Variants in FREM3 observed in about 807,000 individuals in gnomAD.
The protein encoded by FREM3 is FRAS1-related extracellular matrix protein 3.
A neutral mutation model predicts 129.1 loss-of-function variants in FREM3; 105 were observed. The ratio of observed to expected loss-of-function variants is 0.81; its 90% CI spans 0.69 to 0.96. The LOEUF (loss-of-function observed/expected upper bound fraction) is 0.96. FREM3 is among the 40% of genes least tolerant of loss of function. The pLI is 0.00. For missense variants in FREM3, 2,593 were observed against 2,666.3 expected (o/e 0.97, Z 0.61); for synonymous variants, 1,014 against 1,044.9 (o/e 0.97, Z 0.57).
chr4:143,637,567 C>T (rs1739254395), intron 2 of FREM3, among the ~76,000 whole-genome samples: 1 of 152,066 alleles, frequency 6.6e-6, no homozygotes, highest in South Asian at 2.1e-4. Flanking sequence ...TGATTGTGCC[C>T]TCTTAGTGCT....
intron 2 of FREM3, among the ~76,000 whole-genome samples, chr4:143,688,292 A>C (rs899332165): frequency 6.6e-6 from 1 of 152,176 alleles, no homozygotes; most frequent in Non-Finnish European, 1.5e-5. Flanking sequence ...AAATAAAATA[A>C]AATACTTAGG....
chr4:143,697,802 G>A lies in FREM3; in HGVS notation c.2874C>T (p.Asp958=), dbSNP rs900565176. The A allele has an allele frequency of 1.4e-5, 21 of 1,537,336 alleles. No homozygotes were observed. The highest frequency in any genetic ancestry group is 3.3e-4 in the Middle Eastern group (2 of 6,014). The change falls in exon 1 of 8, where the codon GAC becomes GAT. Residue 958 remains aspartate (D), a synonymous_variant. Coordinates refer to ENST00000329798, the MANE Select transcript of FREM3 (RefSeq NM_001168235.2). ...RSSSLLDVSI[D]VLENKATEIT... ...TTTCAGTGGCTTTATTCTCTAGTAC[G>A]TCTATAGAAACATCCAATAATGAAC...
chr4:143,699,385 G>C lies in FREM3; in HGVS notation c.1291C>G (p.Leu431Val), dbSNP rs1404598043. ...CTGTTATGGCTAGCCACTGGGACCA[G>C]AGTATTCATGGATTTCACTGTCACC... is the stretch of plus-strand genomic sequence containing the variant. ...FMVTVKSMNT[L>V]VPVASHNRGL... is the part of the protein sequence containing the mutation. The change falls in exon 1 of 8, where the codon CTG becomes GTG. Residue 431 changes from leucine (L) to valine (V), a missense_variant. Coordinates refer to ENST00000329798, the MANE Select transcript of FREM3 (RefSeq NM_001168235.2). The surrounding 1 kb of genome is among the most constrained non-coding windows in gnomAD (Gnocchi z 4.2). 16 of 1,537,314 alleles carry C rather than the reference G, an allele frequency of 1.0e-5. No individual in the cohort carries two copies. The highest frequency in any genetic ancestry group is 1.2e-5 in the South Asian group (1 of 84,066).
chr4:143,603,691 C>G (rs1426154547), intron 6 of FREM3, among the ~76,000 whole-genome samples: 2 of 152,092 alleles, frequency 1.3e-5, no homozygotes, highest in Non-Finnish European at 2.9e-5. Flanking sequence ...TTTAAATTAT[C>G]CAGCCCAGAG....
intron 2 of FREM3, among the ~76,000 whole-genome samples, chr4:143,639,450 G>T: frequency 6.6e-6 from 1 of 152,132 alleles, no homozygotes; most frequent in East Asian, 1.9e-4. Flanking sequence ...CCATCCCTCA[G>T]ATGAGGGAGT....
chr4:143,595,650 G>T (rs893991873), intron 6 of FREM3, among the ~76,000 whole-genome samples: 5 of 152,226 alleles, frequency 3.3e-5, no homozygotes, highest in Non-Finnish European at 7.4e-5. Flanking sequence ...CACTTTGGGA[G>T]GCCAAGGTGG....
chr4:143,582,631 T>C (rs1355944257), intron 7 of FREM3, among the ~76,000 whole-genome samples: 1 of 152,188 alleles, frequency 6.6e-6, no homozygotes, highest in Non-Finnish European at 1.5e-5. Context: ...TCCAAATGAC[T>C]GCACTAGTTC....
At chr4:143,644,686 A>C (rs761725462) in intron 2 of FREM3, among the ~76,000 whole-genome samples, 14 of 152,242 alleles carry the variant, frequency 9.2e-5, no homozygotes, top group Non-Finnish European at 1.8e-4. Flanking sequence ...TACAAAGCAT[A>C]TAATTTTTAA....
intron 2 of FREM3, among the ~76,000 whole-genome samples, chr4:143,662,339 A>G (rs1246670954): frequency 7.4e-4 from 112 of 152,000 alleles, no homozygotes; most frequent in Non-Finnish European, 1.3e-4. Flanking sequence ...CCTTCATTTC[A>G]TTAGTACCCA....
intron 2 of FREM3, among the ~76,000 whole-genome samples, chr4:143,681,925 CAGTGGATTG>C (rs1420843602): frequency 6.6e-6 from 1 of 152,122 alleles, no homozygotes; most frequent in Non-Finnish European, 1.5e-5. Context: ...AAGACTAAAA[CAGTGGATTG>C]ACTTACTTCC....
intron 2 of FREM3, among the ~76,000 whole-genome samples, chr4:143,642,188 G>T (rs1363151816): frequency 6.6e-6 from 1 of 152,128 alleles, no homozygotes; most frequent in Non-Finnish European, 1.5e-5. Context: ...TGTGTTTCTG[G>T]ATTCTAAGTA....
At chr4:143,661,359 G>A (rs557914723) in intron 2 of FREM3, among the ~76,000 whole-genome samples, 1 of 152,036 alleles carries the variant, frequency 6.6e-6, no homozygotes, top group Non-Finnish European at 1.5e-5. Context: ...AGTGGTTTTT[G>A]TCTTTGGTTC....
At chr4:143,686,395 A>G (rs1560872630) in intron 2 of FREM3, among the ~76,000 whole-genome samples, 1 of 152,194 alleles carries the variant, frequency 6.6e-6, no homozygotes, top group South Asian at 2.1e-4. Context: ...TCAATACTCC[A>G]CTGATGGCAA....
At chr4:143,626,619 C>T (rs184699737) in intron 3 of FREM3, among the ~76,000 whole-genome samples, 206 of 152,230 alleles carry the variant, frequency 1.4e-3, no homozygotes, top group Admixed American at 3.9e-3. Flanking sequence ...TTCCTGGCAG[C>T]GAGTTCCACC....
At chr4:143,618,491 C>T (rs898597181) in intron 5 of FREM3, among the ~76,000 whole-genome samples, 3 of 152,112 alleles carry the variant, frequency 2.0e-5, no homozygotes, top group Non-Finnish European at 4.4e-5. Flanking sequence ...AGCATCTTGA[C>T]TCTTGCATAT....
rs575089711 is a variant in FREM3, at chr4:143,645,313, A to G, written c.5276-17553T>C. ...TTGAATTTTCATTCAGGGTACCTCT[A>G]CTTGCTTCAAGAATGGTGACAACTT... On this transcript the variant is annotated intron_variant, in intron 2 of 7. Transcript: ENST00000329798. Among the ~76,000 whole-genome samples the G allele has an allele frequency of 2.0e-5, 3 of 152,366 alleles. No homozygotes were observed. In the South Asian group the frequency reaches 6.2e-4, roughly 32 times the overall value.
chr4:143,695,404 T>C, intron 1 of FREM3, 87 bp downstream of exon 1: 1 of 1,157,036 alleles, frequency 8.6e-7, no homozygotes, highest in South Asian at 1.7e-5. Context: ...TGCAAATGGC[T>C]GAGATCAGGA....
chr4:143,577,875 T>G, intron 7 of FREM3, 23 bp from the exon 8 acceptor site: 1 of 1,526,932 alleles, frequency 6.5e-7, no homozygotes, highest in South Asian at 1.2e-5. Context: ...GAAAAGGCAC[T>G]GGTGAGACAG....
intron 2 of FREM3, among the ~76,000 whole-genome samples, chr4:143,645,546 C>T (rs1739399016): frequency 6.6e-6 from 1 of 152,168 alleles, no homozygotes; most frequent in Admixed American, 6.5e-5. Context: ...TAAGGTTTCC[C>T]CAGTAAGCAA....
Sources: allele counts gnomAD v4.1 joint callset (sites outside exome capture counted in the v4.1 genomes callset), GRCh38; gene constraint gnomAD v4.1.1; non-coding constraint Gnocchi (gnomAD v3.1); transcripts MANE v1.5; gene names NCBI Gene and HGNC (gene_info 2026-07-23, HGNC 2026-07-21).